Variants in AP3S2 observed in about 807,000 individuals in gnomAD.
AP3S2 encodes adaptor related protein complex 3 subunit sigma 2, also known as AP-3 complex subunit sigma-2.
Under a neutral mutation model 23.4 loss-of-function variants are expected in AP3S2, and 22 were observed. The observed-to-expected ratio is 0.94, with a 90% CI of 0.67 to 1.34. The LOEUF is 1.34. AP3S2 is among the 40% of genes most tolerant of loss of function. The probability of loss-of-function intolerance (pLI) is 0.00; values close to 1 mark genes in which losing one functional copy is unlikely to be tolerated. For synonymous variants in AP3S2, 86 were observed against 87.1 expected (o/e 0.99, Z 0.07); for missense variants, 241 against 236.9 (o/e 1.02, Z -0.11).
At chr15:89,866,254 T>C (rs1165032977) in intron 4 of AP3S2, among the ~76,000 whole-genome samples, 5 of 90,402 alleles carry the variant, frequency 5.5e-5, no homozygotes, top group Non-Finnish European at 8.1e-5. Context: ...AGAGCGAGAC[T>C]CCGTCTCAAA....
chr15:89,881,823 AT>A (rs752970064), intron 3 of AP3S2, among the ~76,000 whole-genome samples: 337 of 144,348 alleles, frequency 2.3e-3, no homozygotes, highest in Middle Eastern at 7.2e-3. Context: ...CATACTCTTC[AT>A]TTTTTTTTTT....
chr15:89,855,745 G>C (rs1204658738), intron 4 of AP3S2, among the ~76,000 whole-genome samples: 1 of 144,094 alleles, frequency 6.9e-6, no homozygotes, highest in Non-Finnish European at 1.5e-5. Flanking sequence ...AGCTACTTGG[G>C]AGGCTGAGGC....
At chr15:89,871,223 T>C (rs1489191175) in intron 4 of AP3S2, among the ~76,000 whole-genome samples, 1 of 152,208 alleles carries the variant, frequency 6.6e-6, no homozygotes, top group Non-Finnish European at 1.5e-5. Context: ...TATCAAGAAA[T>C]CAGTCTGTGA....
intron 4 of AP3S2, among the ~76,000 whole-genome samples, chr15:89,849,857 G>A (rs762260335): frequency 2.0e-5 from 3 of 151,716 alleles, no homozygotes; most frequent in Non-Finnish European, 4.4e-5. Context: ...GTGCTGTTGT[G>A]TGATGGTCCC....
At chr15:89,863,790 G>A (rs1046570419) in intron 4 of AP3S2, among the ~76,000 whole-genome samples, 5 of 152,190 alleles carry the variant, frequency 3.3e-5, no homozygotes, top group African/African-American at 4.8e-5. Context: ...TGACCTCAAG[G>A]TGAAGAGATT....
intron 4 of AP3S2, among the ~76,000 whole-genome samples, chr15:89,844,209 CTCTT>C (rs71151535): frequency 0.055 from 7,030 of 128,912 alleles, 203 homozygotes; most frequent in Middle Eastern, 0.093. Context: ...TTCTTTCTTT[CTCTT>C]TCTTTCTTTC....
chr15:89,893,781 G>C (rs368425246), intron 1 of AP3S2, 100 bp downstream of exon 1: 1 of 1,206,176 alleles, frequency 8.3e-7, no homozygotes, highest in East Asian at 2.5e-5. Context: ...AGGAGCCCCA[G>C]GTGACCAAAG....
At chr15:89,869,031 G>A (rs937700940) in intron 4 of AP3S2, among the ~76,000 whole-genome samples, 1 of 151,338 alleles carries the variant, frequency 6.6e-6, no homozygotes, top group African/African-American at 2.4e-5. Context: ...TGGGAAGTGA[G>A]GAGCCCCTCT....
intron 4 of AP3S2, among the ~76,000 whole-genome samples, chr15:89,869,459 G>C (rs1409893542): frequency 2.1e-5 from 3 of 145,726 alleles, no homozygotes; most frequent in South Asian, 2.2e-4. Context: ...CCTCTGCCTA[G>C]GAAAACCAGA....
intron 4 of AP3S2, among the ~76,000 whole-genome samples, chr15:89,868,132 C>A (rs28469719): frequency 0.079 from 2,872 of 36,298 alleles, 3 homozygotes; most frequent in East Asian, 0.16. Context: ...TCAGCCCCCC[C>A]ACCCGGCCAG....
intron 4 of AP3S2, among the ~76,000 whole-genome samples, chr15:89,850,216 T>A (rs1895611966): frequency 6.6e-6 from 1 of 152,218 alleles, no homozygotes; most frequent in Non-Finnish European, 1.5e-5. Flanking sequence ...AACTGTTTGA[T>A]CTTCAGACTG....
chr15:89,843,628 C>T (rs1895388775), intron 4 of AP3S2, among the ~76,000 whole-genome samples: 1 of 151,812 alleles, frequency 6.6e-6, no homozygotes, highest in African/African-American at 2.4e-5. Context: ...GAGCGAGACT[C>T]TATCTCAGAA....
At chr15:89,870,280 C>T (rs1175959278) in intron 4 of AP3S2, among the ~76,000 whole-genome samples, 2 of 152,080 alleles carry the variant, frequency 1.3e-5, no homozygotes, top group East Asian at 3.9e-4. Flanking sequence ...GCTAAGAGAT[C>T]GCTGAAGTTT....
At chr15:89,840,106 C>T (rs1895292098) in intron 4 of AP3S2, among the ~76,000 whole-genome samples, 1 of 152,078 alleles carries the variant, frequency 6.6e-6, no homozygotes, top group Non-Finnish European at 1.5e-5. Flanking sequence ...TGCTGTTTTG[C>T]AAGATGAAGA....
chr15:89,873,876 C>CTTTT (rs3055916), intron 3 of AP3S2, among the ~76,000 whole-genome samples: 10 of 76,876 alleles, frequency 1.3e-4, no homozygotes, highest in Non-Finnish European at 2.3e-4. Context: ...TTCTCTGTGG[C>CTTTT]TTTTTTTTTT....
At chr15:89,851,433 C>T (rs529767587) in intron 4 of AP3S2, among the ~76,000 whole-genome samples, 11 of 152,154 alleles carry the variant, frequency 7.2e-5, no homozygotes, top group African/African-American at 2.4e-4. Context: ...CCGCCTCCTG[C>T]GTTCAAGCAA....
chr15:89,840,553 G>A (rs150945950), intron 4 of AP3S2, among the ~76,000 whole-genome samples: 177 of 152,176 alleles, frequency 1.2e-3, no homozygotes, highest in Non-Finnish European at 2.0e-3. Context: ...TCAGCCTCCT[G>A]AGTAGCTGGG....
At chr15:89,840,222 T>C (rs1895294765) in intron 4 of AP3S2, among the ~76,000 whole-genome samples, 2 of 152,216 alleles carry the variant, frequency 1.3e-5, no homozygotes, top group South Asian at 4.1e-4. Context: ...ATATGTTACA[T>C]ATTTTACCAC....
At chr15:89,860,397 G>A (rs1216596247) in intron 4 of AP3S2, among the ~76,000 whole-genome samples, 2 of 152,164 alleles carry the variant, frequency 1.3e-5, no homozygotes, top group African/African-American at 4.8e-5. Flanking sequence ...CAAGCACCGT[G>A]ACACTGTGAC....
Sources: allele counts gnomAD v4.1 joint callset (sites outside exome capture counted in the v4.1 genomes callset), GRCh38; gene constraint gnomAD v4.1.1; transcripts MANE v1.5; gene names NCBI Gene and HGNC (gene_info 2026-07-23, HGNC 2026-07-21).